TMTC2: variants seen among roughly 807,000 people sequenced by gnomAD.
TMTC2 encodes protein O-mannosyl-transferase TMTC2.
Under a neutral mutation model 82.4 loss-of-function variants are expected in TMTC2, and 43 were observed. The observed-to-expected ratio is 0.52, with a 90% confidence interval of 0.41 to 0.67. The LOEUF is 0.67. TMTC2 is among the 30% of genes least tolerant of loss of function. TMTC2 has a pLI of 0.00. For synonymous variants in TMTC2, 408 were observed against 381.9 expected (o/e 1.07, Z -0.80); for missense variants, 919 against 1,012.4 (o/e 0.91, Z 1.25).
chr12:83,035,517 T>C (rs1881627312), intron 9 of TMTC2, among the ~76,000 whole-genome samples: 1 of 152,214 alleles, frequency 6.6e-6, no homozygotes, highest in African/African-American at 2.4e-5. Flanking sequence ...ATACCCAATT[T>C]CTCACAGCTC....
chr12:82,728,360 T>C (rs146186072), intron 1 of TMTC2, among the ~76,000 whole-genome samples: 122 of 152,242 alleles, frequency 8.0e-4, no homozygotes, highest in Non-Finnish European at 1.5e-3. Context: ...TTTTTTTGTT[T>C]TTGTTTTTGT....
At chr12:83,025,366 T>C (rs11115540) in intron 8 of TMTC2, among the ~76,000 whole-genome samples, 88,192 of 149,458 alleles carry the variant, frequency 0.59, 26,513 homozygotes, top group South Asian at 0.73. Context: ...AGTATATATA[T>C]GTATATTTAT....
At chr12:82,783,400 C>G (rs1333633297) in intron 1 of TMTC2, among the ~76,000 whole-genome samples, 1 of 151,678 alleles carries the variant, frequency 6.6e-6, no homozygotes, top group Admixed American at 6.6e-5. Context: ...TTGTCTCCTT[C>G]TCATATAAAA....
At chr12:82,906,460 T>C (rs1160467767) in intron 3 of TMTC2, among the ~76,000 whole-genome samples, 3 of 151,274 alleles carry the variant, frequency 2.0e-5, no homozygotes, top group Admixed American at 6.6e-5. Context: ...AGGTCAGGAG[T>C]TTGAGACCAG....
At chr12:82,886,915 A>G (rs1458647728) in intron 2 of TMTC2, among the ~76,000 whole-genome samples, 1 of 152,192 alleles carries the variant, frequency 6.6e-6, no homozygotes, top group Non-Finnish European at 1.5e-5. Flanking sequence ...TCCAGTGGTA[A>G]CTATTTTGGG....
intron 1 of TMTC2, among the ~76,000 whole-genome samples, chr12:82,804,233 TA>T (rs1879141477): frequency 6.6e-6 from 1 of 152,112 alleles, no homozygotes; most frequent in African/African-American, 2.4e-5. Context: ...GAAATGTTTT[TA>T]TGAGATTAAG....
At chr12:82,899,694 GAA>G (rs1363881572) in intron 3 of TMTC2, among the ~76,000 whole-genome samples, 1 of 118,372 alleles carries the variant, frequency 8.4e-6, no homozygotes, top group African/African-American at 3.9e-5. Context: ...ATATATATAA[GAA>G]AATATATATA....
At chr12:82,954,217 G>A (rs1489192603) in intron 4 of TMTC2, among the ~76,000 whole-genome samples, 3 of 151,938 alleles carry the variant, frequency 2.0e-5, no homozygotes, top group South Asian at 2.1e-4. Flanking sequence ...TTGAGTTTTC[G>A]TACACATGGC....
At chr12:82,982,629 A>G (rs1878973915) in intron 7 of TMTC2, among the ~76,000 whole-genome samples, 1 of 151,962 alleles carries the variant, frequency 6.6e-6, no homozygotes, top group Middle Eastern at 3.2e-3. Flanking sequence ...GTCATAGATT[A>G]CCATTGCTCT....
intron 2 of TMTC2, among the ~76,000 whole-genome samples, chr12:82,868,388 A>T (rs1237789173): frequency 6.6e-6 from 1 of 152,200 alleles, no homozygotes; most frequent in Non-Finnish European, 1.5e-5. Context: ...TTCAAGGTTA[A>T]TTCTTCTGAA....
At chr12:83,019,542 A>G (rs772117714) in intron 8 of TMTC2, among the ~76,000 whole-genome samples, 42 of 152,114 alleles carry the variant, frequency 2.8e-4, no homozygotes, top group Non-Finnish European at 4.7e-4. Context: ...CATCTCAGCT[A>G]TCTCAAAAGT....
chr12:82,902,819 A>G (rs1351992753), intron 3 of TMTC2, among the ~76,000 whole-genome samples: 2 of 152,222 alleles, frequency 1.3e-5, no homozygotes, highest in African/African-American at 2.4e-5. Context: ...CTCATGTAAT[A>G]TGCCTTTGTA....
chr12:82,937,910 TTTTTTTTTTTTA>T (rs1368705088), intron 4 of TMTC2, among the ~76,000 whole-genome samples: 331 of 17,840 alleles, frequency 0.019, 5 homozygotes, highest in African/African-American at 0.029. Flanking sequence ...ATTCAAACCT[TTTTTTTTTTTTA>T]TTTTTTTTTT....
At chr12:83,087,746 G>C (rs1406218848) in intron 11 of TMTC2, among the ~76,000 whole-genome samples, 1 of 152,158 alleles carries the variant, frequency 6.6e-6, no homozygotes, top group Non-Finnish European at 1.5e-5. Context: ...ATATTCAGTA[G>C]GCCATAGTGT....
chr12:83,030,159 T>A (rs1420972650), intron 8 of TMTC2, among the ~76,000 whole-genome samples: 1 of 152,170 alleles, frequency 6.6e-6, no homozygotes, highest in African/African-American at 2.4e-5. Context: ...GTGCAAAGGA[T>A]GGCTGTCTCA....
chr12:82,997,344 G>GTATATATA (rs1241033159), intron 8 of TMTC2, among the ~76,000 whole-genome samples: 5 of 21,012 alleles, frequency 2.4e-4, no homozygotes, highest in African/African-American at 5.9e-4. Flanking sequence ...GTGTGTGTGT[G>GTATATATA]TGTGTATATA....
At chr12:82,928,008 T>C (rs114242636) in intron 3 of TMTC2, among the ~76,000 whole-genome samples, 35 of 152,342 alleles carry the variant, frequency 2.3e-4, no homozygotes, top group African/African-American at 8.4e-4. Context: ...ACCCACAACA[T>C]CTCCAAGGTT....
chr12:82,790,046 G>GA (rs1005771541), intron 1 of TMTC2, among the ~76,000 whole-genome samples: 5 of 151,788 alleles, frequency 3.3e-5, no homozygotes, highest in Non-Finnish European at 4.4e-5. Context: ...TACAAAAACA[G>GA]AAAAAATTAG....
chr12:82,930,254 G>A (rs535862339), intron 3 of TMTC2, among the ~76,000 whole-genome samples, 177 bp from the exon 4 acceptor site: 1 of 152,272 alleles, frequency 6.6e-6, no homozygotes, highest in South Asian at 2.1e-4. Flanking sequence ...TTAAGGCTTT[G>A]ATTATATTTA....
Sources: allele counts gnomAD v4.1 joint callset (sites outside exome capture counted in the v4.1 genomes callset), GRCh38; gene constraint gnomAD v4.1.1; transcripts MANE v1.5; gene names NCBI Gene and HGNC (gene_info 2026-07-23, HGNC 2026-07-21).